The following ST8SIA6 variants were observed in gnomAD, a reference collection of about 807,000 sequenced individuals.
The protein encoded by ST8SIA6 is ST8 alpha-N-acetyl-neuraminide alpha-2,8-sialyltransferase 6, also known as alpha-2,8-sialyltransferase 8F.
In ST8SIA6, 39 loss-of-function variants were observed where a neutral mutation model predicts 33.6. The observed-to-expected ratio is 1.16, with a 90% CI of 0.90 to 1.52. ST8SIA6 has a LOEUF of 1.52. Among genes scored for constraint, ST8SIA6 ranks in the 40% most tolerant of loss-of-function variants. ST8SIA6 has a pLI of 0.00. For missense variants in ST8SIA6, 441 were observed against 443.8 expected, an observed-to-expected ratio of 0.99 and a Z score of 0.06; for synonymous variants, 172 against 167.2, an observed-to-expected ratio of 1.03 and a Z score of -0.22.
chr10:17,394,356 GA>G (rs546106601), intron 2 of ST8SIA6, among the ~76,000 whole-genome samples: 7,669 of 109,248 alleles, frequency 0.07, 204 homozygotes, highest in South Asian at 0.08. Flanking sequence ...TTGCCTTTAA[GA>G]AAAAAAAAAA....
Position 17,323,229 on chromosome 10 carries a change from GCACACACA to G in ST8SIA6, c.636-80_636-73del. On this transcript the variant is annotated intron_variant, in intron 6 of 7. Transcript: ENST00000377602. ...AAAGATTGTATACACACATATGCGC[GCACACACA>G]CACACACACACACCTATCTATAATA... 5 of 794,534 alleles carry G rather than the reference GCACACACA, an allele frequency of 6.3e-6. No homozygotes were observed. The South Asian group carries it at 8.5e-5, about 13-fold the overall frequency. The allele number at this position is 794,534 out of a possible 1,614,324, so 49.2% of individuals were successfully genotyped here. A position where few individuals can be genotyped will look rare whatever the true frequency, so the allele number is the denominator to read the frequency against.
At chr10:17,425,244 G>T (rs1851898686) in intron 2 of ST8SIA6, among the ~76,000 whole-genome samples, 1 of 151,992 alleles carries the variant, frequency 6.6e-6, no homozygotes, top group South Asian at 2.1e-4. Context: ...TCTCAATGTG[G>T]GTTGTCCCAA....
chr10:17,419,986 A>G (rs987357927), intron 2 of ST8SIA6, among the ~76,000 whole-genome samples: 14 of 152,226 alleles, frequency 9.2e-5, no homozygotes, highest in African/African-American at 3.1e-4. Flanking sequence ...AAAATATTAC[A>G]ACCTGGTGGA....
chr10:17,432,189 G>C (rs191883874), intron 2 of ST8SIA6, among the ~76,000 whole-genome samples: 4 of 152,360 alleles, frequency 2.6e-5, no homozygotes, highest in Admixed American at 2.6e-4. Context: ...TGAAAGAGAT[G>C]AAGTCAGAGA....
At chr10:17,448,468 G>A (rs1003637587) in intron 2 of ST8SIA6, among the ~76,000 whole-genome samples, 2 of 152,140 alleles carry the variant, frequency 1.3e-5, no homozygotes, top group African/African-American at 4.8e-5. Flanking sequence ...ATGTTCCCAT[G>A]GAACTCCAAA....
At chr10:17,413,106 A>T (rs1851504382) in intron 2 of ST8SIA6, among the ~76,000 whole-genome samples, 1 of 152,202 alleles carries the variant, frequency 6.6e-6, no homozygotes, top group African/African-American at 2.4e-5. Flanking sequence ...GCATTTTGTT[A>T]TCTAAAACAC....
At chr10:17,384,929 G>A (rs1850278930) in intron 3 of ST8SIA6, among the ~76,000 whole-genome samples, 1 of 151,676 alleles carries the variant, frequency 6.6e-6, no homozygotes. Context: ...ATGAACTTTC[G>A]GGACCTACCC....
chr10:17,347,884 A>G (rs1027863456), intron 4 of ST8SIA6, among the ~76,000 whole-genome samples: 6 of 141,152 alleles, frequency 4.3e-5, no homozygotes, highest in Admixed American at 3.1e-4. Flanking sequence ...TGAACCCGGG[A>G]GATGGGGGTT....
chr10:17,432,172 G>C (rs920535042), intron 2 of ST8SIA6, among the ~76,000 whole-genome samples: 1 of 152,222 alleles, frequency 6.6e-6, no homozygotes, highest in Non-Finnish European at 1.5e-5. Context: ...CAGTGAGCAA[G>C]TAGAATTGAA....
At position 17,316,726 on chromosome 10, in the gene ST8SIA6, T is replaced by C. The variant is rs1293011975; in HGVS notation, c.*4152A>G. Among the ~76,000 whole-genome samples the C allele has an allele frequency of 6.6e-6, 1 of 152,170 alleles. No individual in the cohort carries two copies. Among genetic ancestry groups the C allele is most frequent in the Non-Finnish European group, 1.5e-5 (1 of 68,006 alleles). On this transcript the variant is annotated 3_prime_UTR_variant, in exon 8 of 8. Coordinates refer to ENST00000377602, the MANE Select transcript of ST8SIA6 (RefSeq NM_001004470.3). ...GGTTACTGGTAAATTTGAGTATCAC[T>C]TCCTATTCTTATTAGCTACTCAGCT... is the stretch of plus-strand genomic sequence containing the variant.
intron 2 of ST8SIA6, among the ~76,000 whole-genome samples, chr10:17,395,294 T>A (rs2131669473): frequency 6.6e-6 from 1 of 152,266 alleles, no homozygotes; most frequent in Middle Eastern, 3.4e-3. Flanking sequence ...AGCATGAAAA[T>A]TGACTAATAT....
chr10:17,320,837 C>G lies in ST8SIA6; in HGVS notation c.*41G>C. The G allele has an allele frequency of 6.3e-7, 1 of 1,585,184 alleles. No individual in the cohort carries two copies. Among genetic ancestry groups the G allele is most frequent in the Non-Finnish European group, 8.6e-7 (1 of 1,156,812 alleles). ...GTTTGGAGACATTGTTAATCACCTA[C>G]TGCATTATATTAAAATTATTCCCAT... On this transcript the variant is annotated 3_prime_UTR_variant, in exon 8 of 8. Coordinates refer to ENST00000377602, the MANE Select transcript of ST8SIA6 (RefSeq NM_001004470.3).
chr10:17,330,272 TG>T, intron 5 of ST8SIA6, among the ~76,000 whole-genome samples: 1 of 152,348 alleles, frequency 6.6e-6, no homozygotes. Context: ...TCCTCTGTTC[TG>T]GTCAGTTGAA....
At position 17,336,159 on chromosome 10, in the gene ST8SIA6, G is replaced by A. The variant is rs954777165; in HGVS notation, c.378-4607C>T. Among the ~76,000 whole-genome samples, 4 of 152,130 alleles carry A rather than the reference G, an allele frequency of 2.6e-5. No individual in the cohort carries two copies. In the East Asian group the frequency reaches 7.7e-4, roughly 29 times the overall value. ...TTAAGTAGAAATGGCGTTTTACCAC[G>A]TTGACCAGGCTGGTCTCGAACTTCT... On this transcript the variant is annotated intron_variant, in intron 4 of 7. Transcript: ENST00000377602.
chr10:17,437,691 CCCTTCCCTT>C (rs549453597), intron 2 of ST8SIA6, among the ~76,000 whole-genome samples: 135 of 141,162 alleles, frequency 9.6e-4, no homozygotes, highest in Middle Eastern at 6.8e-3. Flanking sequence ...TTCTCTTTCT[CCCTTCCCTT>C]CCTTCCCTTC....
Position 17,331,556 on chromosome 10 carries a change from C to A in ST8SIA6, c.378-4G>T. The stretch of plus-strand genomic sequence containing the variant: ...ACAGCAGGAAGCAAGTTTGGCTCTG[C>A]AAAGGAAAAGGATGAAAAGGAAGCC... On this transcript the variant is annotated splice_polypyrimidine_tract_variant and splice_region_variant and intron_variant, in intron 4 of 7. Transcript: ENST00000377602. 6.2e-7 allele frequency: 1 copy of A among 1,600,226 alleles called. No individual in the cohort carries two copies. The highest frequency in any genetic ancestry group is 8.5e-7 in the Non-Finnish European group (1 of 1,175,394).
At chr10:17,432,073 C>T (rs1024184044) in intron 2 of ST8SIA6, among the ~76,000 whole-genome samples, 6 of 152,158 alleles carry the variant, frequency 3.9e-5, no homozygotes, top group Non-Finnish European at 1.5e-5. Context: ...ATGAAAGACC[C>T]TTAGTCCAGG....
Position 17,316,686 on chromosome 10 carries a change from C to G in ST8SIA6, c.*4192G>C, listed in dbSNP as rs1177337281. On this transcript the variant is annotated 3_prime_UTR_variant, in exon 8 of 8. Coordinates refer to ENST00000377602, the MANE Select transcript of ST8SIA6 (RefSeq NM_001004470.3). The stretch of plus-strand genomic sequence containing the variant: ...TGCAATGGATGTAGTATCTCACTTT[C>G]ATTTGCATTTCTCAGGTTACTGGTA... 2.0e-5 allele frequency among the ~76,000 whole-genome samples: 3 copies of G among 152,112 alleles called. No individual in the cohort carries two copies. Among genetic ancestry groups the G allele is most frequent in the African/African-American group, 7.2e-5 (3 of 41,432 alleles).
intron 2 of ST8SIA6, among the ~76,000 whole-genome samples, chr10:17,417,145 TAG>T (rs147468456): frequency 1.7e-4 from 25 of 149,394 alleles, no homozygotes; most frequent in East Asian, 3.9e-4. Flanking sequence ...ATCACATGGA[TAG>T]AGAGAGAGAG....
Sources: gnomAD v4.1 joint callset for allele counts (sites outside exome capture counted in the v4.1 genomes callset) on GRCh38, gnomAD v4.1.1 for gene constraint, MANE v1.5 for transcripts, NCBI Gene and HGNC (gene_info 2026-07-23, HGNC 2026-07-21) for gene names.